CARM1: variants seen among roughly 807,000 people sequenced by gnomAD.
The protein encoded by CARM1 is histone-arginine methyltransferase CARM1.
In CARM1, 14 loss-of-function variants were observed where a neutral mutation model predicts 72.7. That is an observed-to-expected ratio of 0.19 (90% CI 0.13 to 0.30). CARM1 has a LOEUF of 0.30. Among genes scored for constraint, CARM1 ranks in the 10% least tolerant of loss-of-function variants. The pLI is 1.00. For synonymous variants in CARM1, 333 were observed against 345.5 expected, an observed-to-expected ratio of 0.96 and a Z score of 0.40; for missense variants, 432 against 833.7, an observed-to-expected ratio of 0.52 and a Z score of 5.93.
intron 1 of CARM1, among the ~76,000 whole-genome samples, chr19:10,891,336 G>A (rs150289743): frequency 0.013 from 2,019 of 152,260 alleles, 25 homozygotes; most frequent in Non-Finnish European, 0.022. Flanking sequence ...CTTGCTTGCA[G>A]GTGGCAGAGC....
chr19:10,907,878 T>C (rs1248895700), intron 2 of CARM1, among the ~76,000 whole-genome samples, 161 bp from the exon 3 acceptor site: 1 of 152,220 alleles, frequency 6.6e-6, no homozygotes, highest in Non-Finnish European at 1.5e-5. Context: ...CTTCATCTTT[T>C]CTTTGAACTT....
In CARM1 at chr19:10,871,643, G is replaced by GGCGGCGGCGGCAGCA. The variant is rs1229466317; in HGVS notation, c.-52_-51insGGCAGCAGCGGCGGC. On this transcript the variant is annotated 5_prime_UTR_variant, in exon 1 of 16. Transcript: ENST00000327064. This position sits in a 1 kb window ranked among gnomAD's most constrained non-coding sequence, Gnocchi z 5.6. ...CGGCGGCGGCGGCGGCGGCGGCAGC[G>GGCGGCGGCGGCAGCA]GCGGCGGCCTGGGCCCGGGCGCAGC... The GGCGGCGGCGGCAGCA allele has an allele frequency of 1.4e-5, 2 of 142,114 alleles. No individual in the cohort carries two copies. The highest frequency in any genetic ancestry group is 7.3e-5 in the African/African-American group (2 of 27,438). 8.8% of individuals were successfully genotyped at this position (142,114 alleles called of 1,614,324 possible).
intron 9 of CARM1, 45 bp from the exon 10 acceptor site, chr19:10,919,832 G>A (rs778191858): frequency 6.4e-7 from 1 of 1,550,584 alleles, no homozygotes; most frequent in Admixed American, 1.7e-5. Flanking sequence ...TCTCTCGGCA[G>A]CGCCTGTCTG....
chr19:10,921,180 AG>A (rs2074243128), intron 14 of CARM1, 53 bp downstream of exon 14: 4 of 1,567,946 alleles, frequency 2.6e-6, no homozygotes, highest in Admixed American at 1.7e-5. Context: ...AGGACTGCCC[AG>A]GGGCCGGGAA....
rs1487358518 is a variant in CARM1 at position 10,905,963 on chromosome 19, T to G, written c.346+887T>G. Among the ~76,000 whole-genome samples the G allele has an allele frequency of 2.1e-5, 3 of 142,992 alleles. No homozygotes were observed. In the Admixed American group the frequency reaches 2.1e-4, roughly 10 times the overall value. The allele number at this position is 142,992 out of a possible 152,430, so 93.8% of individuals were successfully genotyped here. Reference sequence around the variant, plus strand: ...GCCCCTTTTTTTTTTTTTTTTTTTTTTTTGAGAAAGAGTGTCACTCTGTTG... The same window carrying G: ...GCCCCTTTTTTTTTTTTTTTTTTTTGTTTGAGAAAGAGTGTCACTCTGTTG... On this transcript the variant is annotated intron_variant, in intron 2 of 15. Transcript: ENST00000327064.
Position 10,920,076 on chromosome 19 carries a change from C to A in CARM1, c.1196+110C>A. ...TGGCTCCAGGTTCCACCATCCCTTC[C>A]AATGGGAGTGAGAGCCTGTCTCGGA... On this transcript the variant is annotated intron_variant, in intron 10 of 15. Transcript: ENST00000327064. This position sits in a 1 kb window ranked among gnomAD's most constrained non-coding sequence, Gnocchi z 5.3. The A allele has an allele frequency of 1.2e-6, 1 of 826,722 alleles. No individual in the cohort carries two copies. The highest frequency in any genetic ancestry group is 1.4e-5 in the South Asian group (1 of 70,150). The allele number at this position is 826,722 out of a possible 1,614,324, so 51.2% of individuals were successfully genotyped here.
At chr19:10,901,610 C>T (rs2074066408) in intron 1 of CARM1, among the ~76,000 whole-genome samples, 1 of 151,754 alleles carries the variant, frequency 6.6e-6, no homozygotes, top group Admixed American at 6.6e-5. Flanking sequence ...CAGGCATGAG[C>T]CTGTGCCTGG....
At chr19:10,917,942 C>T (rs2074211619) in intron 8 of CARM1, among the ~76,000 whole-genome samples, 1 of 152,092 alleles carries the variant, frequency 6.6e-6, no homozygotes, top group Non-Finnish European at 1.5e-5. Flanking sequence ...AAACTCCTGA[C>T]CTTAGGTGAT....
chr19:10,886,789 C>G (rs2073945764), intron 1 of CARM1, among the ~76,000 whole-genome samples: 1 of 152,112 alleles, frequency 6.6e-6, no homozygotes, highest in Non-Finnish European at 1.5e-5. Flanking sequence ...CGAGGTCGCT[C>G]CACTGCACTC....
chr19:10,884,607 T>TG (rs2073926882), intron 1 of CARM1, among the ~76,000 whole-genome samples: 1 of 151,448 alleles, frequency 6.6e-6, no homozygotes, highest in African/African-American at 2.4e-5. Flanking sequence ...ATGAAGGAAA[T>TG]GGAGACCAGG....
At chr19:10,899,559 G>T (rs1239635474) in intron 1 of CARM1, among the ~76,000 whole-genome samples, 2 of 152,072 alleles carry the variant, frequency 1.3e-5, no homozygotes, top group Non-Finnish European at 2.9e-5. Context: ...GGCTCAGGAG[G>T]TTCCTCCATG....
In CARM1 at chr19:10,892,028, C is replaced by T. The variant is rs766990408; in HGVS notation, c.221-12923C>T. Among the ~76,000 whole-genome samples, 7 of 152,190 alleles carry T rather than the reference C, an allele frequency of 4.6e-5. No homozygotes were observed. The East Asian group carries it at 5.8e-4, about 13-fold the overall frequency. On this transcript the variant is annotated intron_variant, in intron 1 of 15. Transcript: ENST00000327064. ...GCCCCTCCTCCCTCTGTCCCTTCCC[C>T]GCCCATCTGTACACCTGTGGTGCGT...
At chr19:10,874,783 A>C (rs982511656) in intron 1 of CARM1, among the ~76,000 whole-genome samples, 5 of 152,122 alleles carry the variant, frequency 3.3e-5, no homozygotes, top group Non-Finnish European at 7.4e-5. Flanking sequence ...GCACTTTGAG[A>C]GGTTGAGGCA....
Position 10,896,375 on chromosome 19 carries a change from A to G in CARM1, c.221-8576A>G, listed in dbSNP as rs1219011692. 1.3e-5 allele frequency among the ~76,000 whole-genome samples: 2 copies of G among 152,028 alleles called. No homozygotes were observed. The highest frequency in any genetic ancestry group is 4.8e-5 in the African/African-American group (2 of 41,386). On this transcript the variant is annotated intron_variant, in intron 1 of 15. Transcript: ENST00000327064. This position sits in a 1 kb window ranked among gnomAD's most constrained non-coding sequence, Gnocchi z 5.2. ...GGGGGCCAATAAGGAGGGGATGTGC[A>G]GCATGCTGACTCTAAGGCAGGTGGG...
Position 10,920,532 on chromosome 19 carries a change from G to A in CARM1, c.1293G>A (p.Gly431=), listed in dbSNP as rs770855311. Residue 431 remains glycine, a synonymous_variant, in exon 11 of 16, where the codon GGG becomes GGA. Coordinates refer to ENST00000327064, the MANE Select transcript of CARM1 (RefSeq NM_199141.2). The surrounding 1 kb of genome is among the most constrained non-coding windows in gnomAD (Gnocchi z 5.3). ...LFQSPLFAKA[G]DTLSGTCLLI... ...AGTCACCACTGTTCGCCAAGGCAGG[G>A]GACACGCTCTCAGGGACATGTCTGC... is the stretch of plus-strand genomic sequence containing the variant. 8.1e-6 allele frequency: 13 copies of A among 1,613,854 alleles called. No individual in the cohort carries two copies. The highest frequency in any genetic ancestry group is 5.0e-5 in the Admixed American group (3 of 59,968).
chr19:10,908,086 C>T lies in CARM1; in HGVS notation c.394C>T (p.Leu132=), dbSNP rs1432418240. Residue 132 remains leucine, a synonymous_variant, in exon 3 of 16, where the codon CTG becomes TTG. Coordinates refer to ENST00000327064, the MANE Select transcript of CARM1 (RefSeq NM_199141.2). ...NILKTCRGHT[L]ERSVFSERTE... ...CCTGAAAACCTGCCGGGGCCACACCCTGGAGCGGTCTGTGTTCAGCGAGCG... is the reference window on the plus strand; with the variant it reads ...CCTGAAAACCTGCCGGGGCCACACCTTGGAGCGGTCTGTGTTCAGCGAGCG... 2.5e-6 allele frequency: 4 copies of T among 1,613,952 alleles called. No individual in the cohort carries two copies. Among genetic ancestry groups the T allele is most frequent in the South Asian group, 2.2e-5 (2 of 91,082 alleles).
chr19:10,908,269 T>C (rs2074120012), intron 3 of CARM1, 124 bp downstream of exon 3: 1 of 646,870 alleles, frequency 1.5e-6, no homozygotes, highest in Non-Finnish European at 2.8e-6. Flanking sequence ...TGTCCCTTAC[T>C]GGCCATGTAG....
chr19:10,881,616 G>A (rs1208630410), intron 1 of CARM1, among the ~76,000 whole-genome samples: 1 of 152,100 alleles, frequency 6.6e-6, no homozygotes, highest in Non-Finnish European at 1.5e-5. Flanking sequence ...TGGAGGGCTG[G>A]GGTGGGGGAG....
intron 1 of CARM1, among the ~76,000 whole-genome samples, chr19:10,891,858 C>T (rs1034828259): frequency 7.2e-5 from 11 of 152,224 alleles, no homozygotes; most frequent in Non-Finnish European, 1.5e-4. Context: ...TAAATCTCTC[C>T]TCCAACCTGC....
Sources: gnomAD v4.1 joint callset for allele counts (sites outside exome capture counted in the v4.1 genomes callset) on GRCh38, gnomAD v4.1.1 for gene constraint, Gnocchi (gnomAD v3.1) non-coding constraint, MANE v1.5 for transcripts, NCBI Gene and HGNC (gene_info 2026-07-23, HGNC 2026-07-21) for gene names.